The following DHX35 variants were observed in gnomAD, a reference collection of about 807,000 sequenced individuals.
The protein encoded by DHX35 is DEAH-box helicase 35.
DHX35 carries 84 observed loss-of-function variants against 99.6 expected under a neutral mutation model. That is an observed-to-expected ratio of 0.84 (90% CI 0.71 to 1.01). The LOEUF is 1.01. DHX35 is among the 50% of genes least tolerant of loss of function. The pLI is 0.00. For synonymous variants in DHX35, 331 were observed against 316.2 expected (o/e 1.05, Z -0.50); for missense variants, 852 against 888.5 (o/e 0.96, Z 0.52).
rs539842049 is a variant in DHX35, at chr20:38,969,522, G to A, written c.174+308G>A. Reference sequence around the variant, plus strand: ...GATATACAGAAAAGTAGAGAAAATAGCAGTTAATTTCTATATAACAGATTA... The same window carrying A: ...GATATACAGAAAAGTAGAGAAAATAACAGTTAATTTCTATATAACAGATTA... On this transcript the variant is annotated intron_variant, in intron 2 of 21. Transcript: ENST00000252011. 8.2e-5 allele frequency among the ~76,000 whole-genome samples: 12 copies of A among 145,962 alleles called. No homozygotes were observed. In the South Asian group the frequency reaches 2.5e-3, roughly 30 times the overall value.
chr20:38,994,634 C>G (rs1200434467), intron 7 of DHX35, among the ~76,000 whole-genome samples, 187 bp from the exon 8 acceptor site: 1 of 108,342 alleles, frequency 9.2e-6, no homozygotes, highest in African/African-American at 3.9e-5. Flanking sequence ...TGTAATGACC[C>G]CCCCCCCCCT....
At chr20:38,996,525 T>C (rs982771318) in intron 8 of DHX35, among the ~76,000 whole-genome samples, 8 of 152,174 alleles carry the variant, frequency 5.3e-5, no homozygotes, top group African/African-American at 1.9e-4. Context: ...GACTTCATCA[T>C]GTTTGAGCTC....
At chr20:39,037,581 G>A (rs530804072) in intron 21 of DHX35, among the ~76,000 whole-genome samples, 1 of 152,284 alleles carries the variant, frequency 6.6e-6, no homozygotes, top group South Asian at 2.1e-4. Context: ...GGGGCCATGT[G>A]GCTGTGCTAA....
At chr20:39,031,333 C>CT (rs111833262) in intron 20 of DHX35, among the ~76,000 whole-genome samples, 2,827 of 131,694 alleles carry the variant, frequency 0.021, 45 homozygotes, top group Middle Eastern at 0.035. Context: ...GCTCACGGTT[C>CT]TTTTTTTTTT....
intron 4 of DHX35, among the ~76,000 whole-genome samples, chr20:38,988,368 G>A (rs1380545390): frequency 2.0e-5 from 3 of 152,142 alleles, no homozygotes; most frequent in Non-Finnish European, 4.4e-5. Context: ...GGTGGCTCAC[G>A]CCTGTAATCC....
chr20:38,990,629 C>T (rs1017035934), intron 5 of DHX35, among the ~76,000 whole-genome samples: 1 of 152,098 alleles, frequency 6.6e-6, no homozygotes, highest in African/African-American at 2.4e-5. Flanking sequence ...CAACTATTTA[C>T]ATAACATTTA....
Position 39,014,867 on chromosome 20 carries a change from A to T in DHX35, c.1348-13A>T. The stretch of plus-strand genomic sequence containing the variant: ...AATAAATTGATTCAGGAAGATTTTT[A>T]TGTTTTTTCCAGCCCCCTCCAGCAC... On this transcript the variant is annotated splice_polypyrimidine_tract_variant and intron_variant, in intron 13 of 21. Transcript: ENST00000252011. 1 of 1,614,112 alleles carries T rather than the reference A, an allele frequency of 6.2e-7. No homozygotes were observed. The highest frequency in any genetic ancestry group is 8.5e-7 in the Non-Finnish European group (1 of 1,179,992).
chr20:38,982,102 C>G (rs117087625), intron 3 of DHX35, among the ~76,000 whole-genome samples: 2 of 152,084 alleles, frequency 1.3e-5, no homozygotes, highest in African/African-American at 4.8e-5. Flanking sequence ...TCTGTCTATC[C>G]ATCTATATTT....
At position 38,994,897 on chromosome 20, in the gene DHX35, C is replaced by T. The variant is rs1415123510; in HGVS notation, c.642+17C>T. ...GATGCAGACGTAAGAGCCTTGCCTC[C>T]CCTTTCCTCCTCTCCTCACAAACAC... On this transcript the variant is annotated intron_variant, in intron 8 of 21. Coordinates refer to ENST00000252011, the MANE Select transcript of DHX35 (RefSeq NM_021931.4). 1 of 1,611,578 alleles carries T rather than the reference C, an allele frequency of 6.2e-7. No individual in the cohort carries two copies. Among genetic ancestry groups the T allele is most frequent in the Non-Finnish European group, 8.5e-7 (1 of 1,177,836 alleles).
At chr20:39,030,427 A>G (rs2087029589) in intron 19 of DHX35, 1 of 430,934 alleles carries the variant, frequency 2.3e-6, no homozygotes, top group Non-Finnish European at 4.2e-6. Flanking sequence ...GAAGATACAC[A>G]TAAACATAGG....
At chr20:38,973,928 T>C (rs1370943602) in intron 3 of DHX35, among the ~76,000 whole-genome samples, 2 of 152,172 alleles carry the variant, frequency 1.3e-5, no homozygotes, top group Non-Finnish European at 2.9e-5. Flanking sequence ...GAGTATTCTG[T>C]GGTTTGTTTA....
chr20:38,970,220 G>A (rs1436493994), intron 2 of DHX35, among the ~76,000 whole-genome samples: 3 of 152,224 alleles, frequency 2.0e-5, no homozygotes, highest in Non-Finnish European at 4.4e-5. Context: ...GCCAAAAGGT[G>A]CCAAGTTCTT....
At chr20:39,038,401 A>C in intron 21 of DHX35, 98 bp from the exon 22 acceptor site, 2 of 1,328,476 alleles carry the variant, frequency 1.5e-6, no homozygotes, top group East Asian at 2.3e-5. Flanking sequence ...TGTGGACCAG[A>C]TGGAAGATTT....
intron 13 of DHX35, among the ~76,000 whole-genome samples, chr20:39,011,330 A>G (rs1254904756): frequency 6.6e-6 from 1 of 150,822 alleles, no homozygotes; most frequent in African/African-American, 2.4e-5. Flanking sequence ...TTCTTTGGCT[A>G]TTCTTTTTTT....
chr20:38,962,428 C>G, intron 1 of DHX35, 21 bp downstream of exon 1: 1 of 1,611,044 alleles, frequency 6.2e-7, no homozygotes, highest in Non-Finnish European at 8.5e-7. Context: ...TGGTGGAACG[C>G]TGGGCAGATG....
chr20:38,995,150 T>C (rs938816022), intron 8 of DHX35, among the ~76,000 whole-genome samples: 11 of 152,226 alleles, frequency 7.2e-5, no homozygotes, highest in African/African-American at 2.4e-4. Context: ...CTTTTTGTTG[T>C]TTTTTCAGTA....
At chr20:39,003,515 A>G (rs1227811895) in intron 10 of DHX35, among the ~76,000 whole-genome samples, 1 of 152,240 alleles carries the variant, frequency 6.6e-6, no homozygotes, top group Non-Finnish European at 1.5e-5. Context: ...TTCATTGCAG[A>G]TCATACCGAG....
chr20:39,008,137 A>T (rs902538606), intron 12 of DHX35, among the ~76,000 whole-genome samples: 1 of 152,266 alleles, frequency 6.6e-6, no homozygotes, highest in Admixed American at 6.5e-5. Flanking sequence ...ATAAAAAGTC[A>T]TACAATATGT....
chr20:39,010,139 T>C (rs551372218), intron 12 of DHX35, 141 bp from the exon 13 acceptor site: 3 of 1,067,472 alleles, frequency 2.8e-6, no homozygotes, highest in African/African-American at 3.2e-5. Context: ...AAAATAACTT[T>C]ATATCATGGT....
Sources: gnomAD v4.1 joint callset for allele counts (sites outside exome capture counted in the v4.1 genomes callset) on GRCh38, gnomAD v4.1.1 for gene constraint, MANE v1.5 for transcripts, NCBI Gene and HGNC (gene_info 2026-07-23, HGNC 2026-07-21) for gene names.